The following PTPRD variants were observed in gnomAD, a reference collection of about 807,000 sequenced individuals.
The protein encoded by PTPRD is receptor-type tyrosine-protein phosphatase delta.
A neutral mutation model predicts 214.5 loss-of-function variants in PTPRD; 34 were observed. The ratio of observed to expected loss-of-function variants is 0.16; its 90% confidence interval spans 0.12 to 0.21. The LOEUF (loss-of-function observed/expected upper bound fraction) is 0.21. PTPRD is among the 10% of genes least tolerant of loss of function. PTPRD has a pLI of 1.00. For missense variants in PTPRD, 2,545 were observed against 2,398.7 expected (o/e 1.06, Z -1.27); for synonymous variants, 1,128 against 845.7 (o/e 1.33, Z -5.79).
At chr9:9,283,507 G>A (rs11794560) in intron 9 of PTPRD, among the ~76,000 whole-genome samples, 12,117 of 151,208 alleles carry the variant, frequency 0.08, 531 homozygotes, top group Middle Eastern at 0.17. Flanking sequence ...TTTACAGAAA[G>A]TATCCAACTG....
chr9:10,538,219 A>C (rs2058282746), intron 2 of PTPRD, among the ~76,000 whole-genome samples: 1 of 150,750 alleles, frequency 6.6e-6, no homozygotes, highest in Admixed American at 6.7e-5. Context: ...GTGGATAGAG[A>C]GGTGAGAAAG....
At chr9:9,577,051 T>C (rs2089103385) in intron 7 of PTPRD, among the ~76,000 whole-genome samples, 1 of 152,156 alleles carries the variant, frequency 6.6e-6, no homozygotes, top group South Asian at 2.1e-4. Flanking sequence ...TCAGATATGT[T>C]GGGTATGTAG....
At chr9:9,818,619 T>A (rs1263000546) in intron 5 of PTPRD, among the ~76,000 whole-genome samples, 1 of 152,092 alleles carries the variant, frequency 6.6e-6, no homozygotes, top group Non-Finnish European at 1.5e-5. Context: ...AACATTATTA[T>A]TCCAGTAAAG....
At chr9:9,739,618 T>C (rs1440380782) in intron 6 of PTPRD, among the ~76,000 whole-genome samples, 1 of 151,922 alleles carries the variant, frequency 6.6e-6, no homozygotes, top group Non-Finnish European at 1.5e-5. Flanking sequence ...GTCACTTTCA[T>C]CAGTTTATTT....
chr9:9,186,799 C>G (rs541701325), intron 9 of PTPRD, among the ~76,000 whole-genome samples: 14 of 152,012 alleles, frequency 9.2e-5, no homozygotes, highest in African/African-American at 2.9e-4. Flanking sequence ...TCAGAAATAG[C>G]CTTTCATTTA....
At chr9:9,513,485 TTA>T (rs1176360498) in intron 8 of PTPRD, among the ~76,000 whole-genome samples, 1 of 151,924 alleles carries the variant, frequency 6.6e-6, no homozygotes, top group Non-Finnish European at 1.5e-5. Context: ...AATGTAGTTT[TTA>T]TATATTAACA....
chr9:9,812,546 T>C (rs368770636), intron 5 of PTPRD, among the ~76,000 whole-genome samples: 18 of 137,840 alleles, frequency 1.3e-4, no homozygotes, highest in African/African-American at 5.7e-4. Context: ...CAAAATAGAC[T>C]TTCAGTCAAA....
intron 10 of PTPRD, among the ~76,000 whole-genome samples, chr9:9,146,431 C>A (rs1018408591): frequency 6.6e-6 from 1 of 152,030 alleles, no homozygotes; most frequent in Non-Finnish European, 1.5e-5. Flanking sequence ...TGATGTGAGG[C>A]TCAGGAGTCT....
chr9:10,096,989 T>C (rs949513449), intron 3 of PTPRD, among the ~76,000 whole-genome samples: 3 of 152,022 alleles, frequency 2.0e-5, no homozygotes, highest in African/African-American at 7.2e-5. Context: ...ATTTATTAAA[T>C]AGGGAATCCT....
intron 11 of PTPRD, among the ~76,000 whole-genome samples, chr9:8,781,011 T>A (rs1599581007): frequency 6.6e-6 from 1 of 152,136 alleles, no homozygotes; most frequent in Non-Finnish European, 1.5e-5. Context: ...TCTGAAGAAA[T>A]CTTCTCTTTA....
chr9:9,067,694 G>C (rs1225728676), intron 10 of PTPRD, among the ~76,000 whole-genome samples: 2 of 152,136 alleles, frequency 1.3e-5, no homozygotes, highest in Non-Finnish European at 2.9e-5. Flanking sequence ...ATAACACAGA[G>C]AGACATCAAA....
chr9:9,422,732 A>G (rs1031725306), intron 8 of PTPRD, among the ~76,000 whole-genome samples: 1 of 152,134 alleles, frequency 6.6e-6, no homozygotes, highest in African/African-American at 2.4e-5. Flanking sequence ...ATAGCTACGA[A>G]TTGAGGGATT....
intron 8 of PTPRD, among the ~76,000 whole-genome samples, chr9:9,400,545 C>A (rs1231716385): frequency 6.6e-6 from 1 of 151,854 alleles, no homozygotes; most frequent in African/African-American, 2.4e-5. Flanking sequence ...TTTTTCAGTT[C>A]AATTATCTTT....
intron 11 of PTPRD, among the ~76,000 whole-genome samples, chr9:8,755,793 T>C (rs971367149): frequency 6.6e-6 from 1 of 152,268 alleles, no homozygotes; most frequent in East Asian, 1.9e-4. Context: ...CAAAGTAGAA[T>C]TGAACTCAAA....
intron 3 of PTPRD, among the ~76,000 whole-genome samples, chr9:10,097,423 T>G (rs1258052466): frequency 9.9e-4 from 149 of 150,108 alleles, no homozygotes; most frequent in African/African-American, 3.3e-3. Flanking sequence ...TTGAGCAGTG[T>G]TTTGTAGTTC....
chr9:9,230,443 G>C (rs940055522), intron 9 of PTPRD, among the ~76,000 whole-genome samples: 4 of 152,066 alleles, frequency 2.6e-5, no homozygotes, highest in Non-Finnish European at 4.4e-5. Flanking sequence ...TGAGATCTGT[G>C]AGCCATTTTA....
chr9:10,363,207 G>C (rs2097430055), intron 2 of PTPRD, among the ~76,000 whole-genome samples: 1 of 152,144 alleles, frequency 6.6e-6, no homozygotes, highest in Admixed American at 6.5e-5. Context: ...GGAGGTTCTT[G>C]AATGAGGCCT....
chr9:9,947,987 G>T (rs1242244200), intron 4 of PTPRD, among the ~76,000 whole-genome samples: 1 of 151,802 alleles, frequency 6.6e-6, no homozygotes, highest in Non-Finnish European at 1.5e-5. Flanking sequence ...GAATATCCTG[G>T]TAGCAAGATT....
At chr9:10,381,157 A>G (rs1479893532) in intron 2 of PTPRD, among the ~76,000 whole-genome samples, 1 of 151,906 alleles carries the variant, frequency 6.6e-6, no homozygotes, top group African/African-American at 2.4e-5. Context: ...AATGCTCCCA[A>G]CTATACATCA....
Sources: gnomAD v4.1 joint callset for allele counts (sites outside exome capture counted in the v4.1 genomes callset) on GRCh38, gnomAD v4.1.1 for gene constraint, MANE v1.5 for transcripts, NCBI Gene and HGNC (gene_info 2026-07-23, HGNC 2026-07-21) for gene names.